The following LRP6 variants were observed in gnomAD, a reference collection of about 807,000 sequenced individuals.
LRP6 encodes low-density lipoprotein receptor-related protein 6.
LRP6 carries 43 observed loss-of-function variants against 184.1 expected under a neutral mutation model. That is an observed-to-expected ratio of 0.23 (90% CI 0.18 to 0.30). LRP6 has a LOEUF of 0.30. LRP6 is among the 10% of genes least tolerant of loss of function. The pLI, the probability that LRP6 is intolerant of heterozygous loss-of-function variation, is 1.00. For missense variants in LRP6, 1,571 were observed against 2,005.3 expected (o/e 0.78, Z 4.14); for synonymous variants, 719 against 684.9 (o/e 1.05, Z -0.78).
chr12:12,148,031 A>T (rs1487926615), intron 14 of LRP6, among the ~76,000 whole-genome samples: 1 of 148,176 alleles, frequency 6.7e-6, no homozygotes, highest in Non-Finnish European at 1.5e-5. Context: ...TATATATATA[A>T]ATCCTCTTTT....
At position 12,196,008 on chromosome 12, in the gene LRP6, G is replaced by A. The variant is rs186130691; in HGVS notation, c.647+7195C>T. Among the ~76,000 whole-genome samples the A allele has an allele frequency of 2.4e-4, 37 of 152,194 alleles. 1 individual carries two copies. Among genetic ancestry groups the A allele is most frequent in the Admixed American group, 1.6e-3 (25 of 15,278 alleles). On this transcript the variant is annotated intron_variant, in intron 3 of 22. Coordinates refer to ENST00000261349, the MANE Select transcript of LRP6 (RefSeq NM_002336.3). ...AAAAAGCAATTGGCTATAGATGCAT[G>A]GATTAATTTCTGGGTTTTCTATTCT...
intron 17 of LRP6, among the ~76,000 whole-genome samples, chr12:12,134,446 C>T (rs1489560637): frequency 6.6e-6 from 1 of 152,102 alleles, no homozygotes; most frequent in Non-Finnish European, 1.5e-5. Flanking sequence ...GGTATGAATA[C>T]TATTGTGGTG....
chr12:12,193,341 A>G (rs1444931933), intron 3 of LRP6, among the ~76,000 whole-genome samples: 1 of 151,588 alleles, frequency 6.6e-6, no homozygotes, highest in Non-Finnish European at 1.5e-5. Flanking sequence ...ATCCAAAGCA[A>G]GTGTAAGGAA....
chr12:12,159,189 C>T (rs757341280), intron 11 of LRP6, 34 bp from the exon 12 acceptor site: 1 of 1,519,580 alleles, frequency 6.6e-7, no homozygotes, highest in South Asian at 1.1e-5. Flanking sequence ...AGGGGAGAAG[C>T]AGAGTGATGA....
chr12:12,242,003 G>C (rs1865078673), intron 2 of LRP6, among the ~76,000 whole-genome samples: 1 of 152,064 alleles, frequency 6.6e-6, no homozygotes, highest in African/African-American at 2.4e-5. Flanking sequence ...CATTAGTTTT[G>C]GGGAACAAAA....
chr12:12,222,499 G>A lies in LRP6; in HGVS notation c.450-19099C>T, dbSNP rs201442485. ...GGAGAATCGCTTGAATCCAGGAGGC[G>A]GAGGTTGCAGTGAGCCAAGATCGCG... On this transcript the variant is annotated intron_variant, in intron 2 of 22. Transcript: ENST00000261349. Among the ~76,000 whole-genome samples, 46 of 151,462 alleles carry A rather than the reference G, an allele frequency of 3.0e-4. No individual in the cohort carries two copies. The East Asian group carries it at 8.0e-3, about 26-fold the overall frequency.
chr12:12,195,402 G>A (rs1863726168), intron 3 of LRP6, among the ~76,000 whole-genome samples: 1 of 152,138 alleles, frequency 6.6e-6, no homozygotes. Context: ...TAACTAGGGT[G>A]AGATGATACT....
At chr12:12,170,061 G>A (rs555280562) in intron 7 of LRP6, among the ~76,000 whole-genome samples, 1 of 152,174 alleles carries the variant, frequency 6.6e-6, no homozygotes, top group Non-Finnish European at 1.5e-5. Flanking sequence ...CCAGGAGAAT[G>A]TTTTCGCTCA....
In LRP6 at chr12:12,173,465, C is replaced by A. The variant is rs116685588; in HGVS notation, c.1545+6345G>T. Reference sequence around the variant, plus strand: ...TCAGGTGATCCTCCCACCTCAGCCTCCAGGGTAGCTGGGACTACAGTTGCA... The same window carrying A: ...TCAGGTGATCCTCCCACCTCAGCCTACAGGGTAGCTGGGACTACAGTTGCA... On this transcript the variant is annotated intron_variant, in intron 7 of 22. Transcript: ENST00000261349. Among the ~76,000 whole-genome samples the A allele has an allele frequency of 6.9e-3, 1,047 of 151,914 alleles. 8 individuals carry two copies. Among genetic ancestry groups the A allele is most frequent in the African/African-American group, 0.024 (993 of 41,380 alleles).
chr12:12,255,437 CT>C (rs1865437343), intron 1 of LRP6, among the ~76,000 whole-genome samples: 1 of 150,628 alleles, frequency 6.6e-6, no homozygotes, highest in Admixed American at 6.6e-5. Flanking sequence ...AAAAAAAAGC[CT>C]TTTTCGGTTT....
intron 1 of LRP6, among the ~76,000 whole-genome samples, chr12:12,253,027 G>A (rs1652249456): frequency 6.6e-6 from 1 of 152,208 alleles, no homozygotes; most frequent in Non-Finnish European, 1.5e-5. Context: ...ACTTTGGGGG[G>A]CTGATGCAGG....
chr12:12,250,056 C>T (rs1485018549), intron 1 of LRP6, among the ~76,000 whole-genome samples: 4 of 152,186 alleles, frequency 2.6e-5, no homozygotes, highest in Non-Finnish European at 4.4e-5. Flanking sequence ...CACTATCCTA[C>T]TCTAGACCTT....
intron 2 of LRP6, among the ~76,000 whole-genome samples, chr12:12,230,819 C>T (rs928091375): frequency 3.3e-5 from 5 of 151,888 alleles, no homozygotes; most frequent in Non-Finnish European, 5.9e-5. Flanking sequence ...ATACAAACAC[C>T]CCTTTAAATG....
intron 3 of LRP6, among the ~76,000 whole-genome samples, chr12:12,194,758 T>G (rs902045490): frequency 4.6e-5 from 7 of 152,166 alleles, no homozygotes; most frequent in Non-Finnish European, 1.0e-4. Context: ...TCTTTGAAAT[T>G]ATATAATGTT....
chr12:12,136,981 CATT>C (rs752577293), intron 16 of LRP6, among the ~76,000 whole-genome samples: 3 of 152,066 alleles, frequency 2.0e-5, no homozygotes, highest in Non-Finnish European at 4.4e-5. Context: ...GGTATGATAT[CATT>C]ATCATATTTC....
chr12:12,189,497 T>A (rs777319804), intron 3 of LRP6, among the ~76,000 whole-genome samples: 1 of 152,172 alleles, frequency 6.6e-6, no homozygotes, highest in Non-Finnish European at 1.5e-5. Context: ...GTAAATACTA[T>A]ACTAATATTA....
At chr12:12,229,485 CATTTT>C (rs1294675469) in intron 2 of LRP6, among the ~76,000 whole-genome samples, 2 of 151,942 alleles carry the variant, frequency 1.3e-5, no homozygotes, top group Admixed American at 6.6e-5. Flanking sequence ...TTGACTACTT[CATTTT>C]ATTTTAGACT....
At chr12:12,127,691 A>G (rs1053854628) in intron 19 of LRP6, among the ~76,000 whole-genome samples, 1 of 152,154 alleles carries the variant, frequency 6.6e-6, no homozygotes, top group African/African-American at 2.4e-5. Flanking sequence ...AGGGAAAGTG[A>G]GCTTATTGAA....
chr12:12,180,102 G>GA (rs377273579), intron 6 of LRP6, 121 bp from the exon 7 acceptor site: 72,919 of 479,646 alleles, frequency 0.15, 2 homozygotes, highest in South Asian at 0.22. Context: ...CAAGGAAGGG[G>GA]AAAAAAAAAA....
Sources: gnomAD v4.1 joint callset for allele counts (sites outside exome capture counted in the v4.1 genomes callset) on GRCh38, gnomAD v4.1.1 for gene constraint, MANE v1.5 for transcripts, NCBI Gene and HGNC (gene_info 2026-07-23, HGNC 2026-07-21) for gene names.